The following RYR3 variants were observed in gnomAD, a reference collection of about 807,000 sequenced individuals.
RYR3 encodes the protein brain ryanodine receptor-calcium release channel.
Under a neutral mutation model 584.3 loss-of-function variants are expected in RYR3, and 207 were observed. The observed-to-expected ratio is 0.35, with a 90% CI of 0.32 to 0.40. RYR3 has a LOEUF of 0.40. Among genes scored for constraint, RYR3 ranks in the 10% least tolerant of loss-of-function variants. RYR3 has a pLI of 1.00. For missense variants in RYR3, 5,616 were observed against 6,089.2 expected (o/e 0.92, Z 2.59); for synonymous variants, 2,416 against 2,248.5 (o/e 1.07, Z -2.11).
At chr15:33,497,947 G>A (rs2051588803) in intron 2 of RYR3, among the ~76,000 whole-genome samples, 2 of 151,946 alleles carry the variant, frequency 1.3e-5, no homozygotes, top group South Asian at 4.1e-4. Context: ...TTCCACATGT[G>A]AGTGAGAATA....
Position 33,325,718 on chromosome 15 carries a change from C to T in RYR3, c.51+14622C>T, listed in dbSNP as rs561587349. Among the ~76,000 whole-genome samples the T allele has an allele frequency of 5.7e-3, 662 of 116,838 alleles. 11 individuals are homozygous for T. The highest frequency in any genetic ancestry group is 0.02 in the African/African-American group (648 of 32,782). The allele number at this position is 116,838 out of a possible 152,430, so 76.7% of individuals were successfully genotyped here. ...CCCCCTTCCCCTCTCTGCCTTCCCC[C>T]TCCCCCTCTTCCTTCCTTCCTTCCT... On this transcript the variant is annotated intron_variant, in intron 1 of 103. Transcript: ENST00000634891.
intron 9 of RYR3, among the ~76,000 whole-genome samples, chr15:33,548,629 G>A (rs1324039515): frequency 6.6e-6 from 1 of 152,212 alleles, no homozygotes; most frequent in Non-Finnish European, 1.5e-5. Context: ...TAAGGAAGAT[G>A]TAAACTTCAC....
chr15:33,586,826 GT>G (rs1039384943), intron 16 of RYR3, among the ~76,000 whole-genome samples: 2 of 151,970 alleles, frequency 1.3e-5, no homozygotes, highest in Admixed American at 6.6e-5. Context: ...AATATGGGGA[GT>G]TTTTTTTCCT....
chr15:33,357,852 G>A (rs1201638104), intron 1 of RYR3, among the ~76,000 whole-genome samples: 1 of 152,136 alleles, frequency 6.6e-6, no homozygotes, highest in Non-Finnish European at 1.5e-5. Flanking sequence ...ATCATGTTTT[G>A]GTTCTTTTAC....
At chr15:33,862,905 T>C (rs1597129403) in intron 102 of RYR3, among the ~76,000 whole-genome samples, 1 of 152,210 alleles carries the variant, frequency 6.6e-6, no homozygotes, top group African/African-American at 2.4e-5. Context: ...GCGTGAGCCA[T>C]CACACCCGGC....
intron 42 of RYR3, among the ~76,000 whole-genome samples, chr15:33,701,360 T>A (rs1201954315): frequency 1.3e-5 from 2 of 152,190 alleles, no homozygotes; most frequent in African/African-American, 4.8e-5. Flanking sequence ...CATTACCAGA[T>A]GCCGGTGGTT....
At chr15:33,660,446 A>G in intron 34 of RYR3, 23 bp downstream of exon 34, 1 of 1,507,158 alleles carries the variant, frequency 6.6e-7, no homozygotes, top group Non-Finnish European at 9.0e-7. Flanking sequence ...CCCGCGAAGG[A>G]AGGGGCAGGC....
intron 30 of RYR3, among the ~76,000 whole-genome samples, 178 bp downstream of exon 30, chr15:33,647,638 G>A (rs1419493311): frequency 6.6e-6 from 1 of 152,194 alleles, no homozygotes; most frequent in African/African-American, 2.4e-5. Flanking sequence ...GTGGGGGAAA[G>A]ACAGTTATTC....
intron 1 of RYR3, 105 bp from the exon 2 acceptor site, chr15:33,473,314 G>A (rs772530228): frequency 1.5e-6 from 2 of 1,296,904 alleles, no homozygotes; most frequent in Non-Finnish European, 2.2e-6. Context: ...AAAGCACGTG[G>A]CTGTCAGGGA....
chr15:33,747,676 C>T (rs193228990), intron 53 of RYR3, among the ~76,000 whole-genome samples: 2 of 152,192 alleles, frequency 1.3e-5, no homozygotes, highest in East Asian at 3.9e-4. Flanking sequence ...CCACCCGCCT[C>T]GGCCTCCCAA....
intron 5 of RYR3, among the ~76,000 whole-genome samples, chr15:33,535,454 T>G (rs1156989912): frequency 1.3e-5 from 2 of 152,244 alleles, no homozygotes; most frequent in Non-Finnish European, 2.9e-5. Context: ...AAAGTTTCTT[T>G]GTTTTCAGCC....
In RYR3 at chr15:33,750,043, T is replaced by C; in HGVS notation, c.8264T>C (p.Leu2755Pro). ...NIWAKKKKLE[L>P]ESKGGGSHPL... is the part of the protein sequence containing the mutation. ...TGGGCCAAGAAGAAGAAGCTGGAGC[T>C]GGAGAGCAAAGGTGAGTGAGGTTCA... The change falls in exon 56 of 104, where the codon CTG becomes CCG. Residue 2755 changes from leucine to proline, a missense_variant. Physicochemically the swap from Leu to Pro is moderately conservative, Grantham distance 98 (BLOSUM62 -3). Transcript: ENST00000634891. The C allele has an allele frequency of 1.2e-6, 2 of 1,611,930 alleles. No homozygotes were observed. Among genetic ancestry groups the C allele is most frequent in the Non-Finnish European group, 1.7e-6 (2 of 1,179,154 alleles).
rs972130649 is a variant in RYR3, at chr15:33,853,774, C to G, written c.13799+92C>G. On this transcript the variant is annotated intron_variant, in intron 96 of 103. Coordinates refer to ENST00000634891, the MANE Select transcript of RYR3 (RefSeq NM_001036.6). Reference sequence around the variant, plus strand: ...AAAAAATCACAACCGTGTCTTTGTTCTCTCAGGCTGTGGTCTGGCTTAGGT... The same window carrying G: ...AAAAAATCACAACCGTGTCTTTGTTGTCTCAGGCTGTGGTCTGGCTTAGGT... The G allele has an allele frequency of 1.7e-5, 25 of 1,498,704 alleles. No homozygotes were observed. The South Asian group carries it at 2.9e-4, about 17-fold the overall frequency. 92.8% of individuals were successfully genotyped at this position (1,498,704 alleles called of 1,614,324 possible).
chr15:33,824,700 G>C (rs2077283462), intron 81 of RYR3, among the ~76,000 whole-genome samples: 1 of 152,172 alleles, frequency 6.6e-6, no homozygotes, highest in African/African-American at 2.4e-5. Flanking sequence ...AAAGAAAACA[G>C]GAAGGCCAGA....
intron 86 of RYR3, among the ~76,000 whole-genome samples, chr15:33,833,716 A>G (rs1418182172): frequency 6.6e-6 from 1 of 152,234 alleles, no homozygotes; most frequent in African/African-American, 2.4e-5. Context: ...GCTTTGTTAC[A>G]GAAAGAATCT....
At chr15:33,459,728 T>G (rs1015119234) in intron 1 of RYR3, among the ~76,000 whole-genome samples, 2 of 152,180 alleles carry the variant, frequency 1.3e-5, no homozygotes, top group African/African-American at 2.4e-5. Context: ...AATGGGTATC[T>G]TGACAGCAAT....
chr15:33,609,176 T>C (rs1029064471), intron 18 of RYR3, among the ~76,000 whole-genome samples: 1 of 152,258 alleles, frequency 6.6e-6, no homozygotes, highest in African/African-American at 2.4e-5. Flanking sequence ...GAATTTGTAT[T>C]TTTATCCAGC....
intron 99 of RYR3, among the ~76,000 whole-genome samples, chr15:33,858,433 C>T (rs2079947312): frequency 6.6e-6 from 1 of 151,912 alleles, no homozygotes; most frequent in South Asian, 2.1e-4. Context: ...TCTCAAACTC[C>T]CGACCTCAGG....
rs748907664 is a variant in RYR3, at chr15:33,579,949, A to G, written c.1269-27A>G. 10 of 1,591,558 alleles carry G rather than the reference A, an allele frequency of 6.3e-6. No individual in the cohort carries two copies. In the Admixed American group the frequency reaches 1.4e-4, roughly 22 times the overall value. On this transcript the variant is annotated intron_variant, in intron 12 of 103. Coordinates refer to ENST00000634891, the MANE Select transcript of RYR3 (RefSeq NM_001036.6). ...AGGGCCCTGCTGCTGGCCAGTGCCT[A>G]AACCATGTCAATCTCATGGTTTTTA... is the stretch of plus-strand genomic sequence containing the variant.
Sources: gnomAD v4.1 joint callset for allele counts (sites outside exome capture counted in the v4.1 genomes callset) on GRCh38, gnomAD v4.1.1 for gene constraint, MANE v1.5 for transcripts, NCBI Gene and HGNC (gene_info 2026-07-23, HGNC 2026-07-21) for gene names.